Variants in CSMD1 observed in about 807,000 individuals in gnomAD.
CSMD1 encodes CUB and Sushi multiple domains 1.
In CSMD1, 213 loss-of-function variants were observed where a neutral mutation model predicts 417.5. The observed-to-expected ratio is 0.51, with a 90% CI of 0.46 to 0.57. The LOEUF (loss-of-function observed/expected upper bound fraction) is 0.57. CSMD1 is among the 20% of genes least tolerant of loss of function. CSMD1 has a pLI of 0.00. For synonymous variants in CSMD1, 2,862 were observed against 1,736.8 expected, an observed-to-expected ratio of 1.65 and a Z score of -16.11; for missense variants, 6,923 against 4,529.7, an observed-to-expected ratio of 1.53 and a Z score of -15.17.
At chr8:4,006,509 A>C (rs1377905375) in intron 4 of CSMD1, among the ~76,000 whole-genome samples, 2 of 152,218 alleles carry the variant, frequency 1.3e-5, no homozygotes, top group African/African-American at 2.4e-5. Context: ...ACCCCACTGC[A>C]CTTGGCCTGA....
At chr8:3,050,027 T>TAGTA (rs1420610718) in intron 50 of CSMD1, among the ~76,000 whole-genome samples, 2 of 151,754 alleles carry the variant, frequency 1.3e-5, no homozygotes, top group Non-Finnish European at 2.9e-5. Flanking sequence ...CTTTCTCAGA[T>TAGTA]AGTATACAAA....
chr8:3,618,037 T>C (rs1802230937), intron 7 of CSMD1, among the ~76,000 whole-genome samples: 1 of 152,202 alleles, frequency 6.6e-6, no homozygotes, highest in African/African-American at 2.4e-5. Flanking sequence ...GATCTCACTC[T>C]GTTGCCCAGG....
intron 7 of CSMD1, among the ~76,000 whole-genome samples, chr8:3,631,319 T>C (rs1796772689): frequency 6.6e-6 from 1 of 152,214 alleles, no homozygotes; most frequent in Non-Finnish European, 1.5e-5. Flanking sequence ...GTCTGGTTTA[T>C]TGTTCTCATT....
intron 1 of CSMD1, among the ~76,000 whole-genome samples, chr8:4,722,745 G>C (rs1025422305): frequency 4.6e-5 from 7 of 152,054 alleles, no homozygotes; most frequent in East Asian, 1.9e-4. Context: ...TTTGGTAGTC[G>C]TCAGGAAAAT....
intron 3 of CSMD1, among the ~76,000 whole-genome samples, chr8:4,260,537 G>T (rs1170731452): frequency 1.3e-5 from 2 of 152,142 alleles, no homozygotes; most frequent in Non-Finnish European, 2.9e-5. Flanking sequence ...CAAGCACATA[G>T]CCAGAATACC....
chr8:3,567,024 C>T (rs116033139), intron 10 of CSMD1, among the ~76,000 whole-genome samples: 3,712 of 152,296 alleles, frequency 0.024, 157 homozygotes, highest in African/African-American at 0.084. Context: ...TGGAGTCAAC[C>T]TAAATGCCCA....
At chr8:3,334,032 T>C (rs1274706205) in intron 23 of CSMD1, among the ~76,000 whole-genome samples, 2 of 152,232 alleles carry the variant, frequency 1.3e-5, no homozygotes, top group Admixed American at 1.3e-4. Flanking sequence ...CCCATCGTGA[T>C]GCCCTTTTAT....
intron 2 of CSMD1, among the ~76,000 whole-genome samples, chr8:4,445,542 T>C (rs997597204): frequency 1.3e-5 from 2 of 152,192 alleles, no homozygotes; most frequent in African/African-American, 4.8e-5. Context: ...TTGGGTAGCT[T>C]GTGTGATAAA....
chr8:4,190,346 C>T (rs1047002911), intron 3 of CSMD1, among the ~76,000 whole-genome samples: 13 of 150,378 alleles, frequency 8.6e-5, no homozygotes, highest in Admixed American at 6.6e-4. Flanking sequence ...GGCCAGTTAA[C>T]TTCTAACAGC....
At chr8:4,467,122 T>TAAAAAAAAAAAAAAAAAAAAAA (rs35481238) in intron 2 of CSMD1, among the ~76,000 whole-genome samples, 2 of 86,244 alleles carry the variant, frequency 2.3e-5, no homozygotes, top group African/African-American at 4.5e-5. Flanking sequence ...TTCTTCAGAG[T>TAAAAAAAAAAAAAAAAAAAAAA]AAAAAAAAAA....
chr8:3,217,008 G>T (rs983934901), intron 29 of CSMD1, among the ~76,000 whole-genome samples: 4 of 152,154 alleles, frequency 2.6e-5, no homozygotes, highest in Admixed American at 2.0e-4. Flanking sequence ...GGATGCAATG[G>T]CATCATTTCT....
intron 1 of CSMD1, among the ~76,000 whole-genome samples, chr8:4,717,656 G>T (rs1808771302): frequency 6.6e-6 from 1 of 151,932 alleles, no homozygotes; most frequent in South Asian, 2.1e-4. Context: ...ACTGGTGTGA[G>T]TGGGAAGGAA....
chr8:4,622,544 G>A (rs1246417190), intron 2 of CSMD1, among the ~76,000 whole-genome samples: 1 of 152,136 alleles, frequency 6.6e-6, no homozygotes, highest in Non-Finnish European at 1.5e-5. Flanking sequence ...ACCCTCTACT[G>A]AGAAAGCTTA....
intron 25 of CSMD1, among the ~76,000 whole-genome samples, chr8:3,302,868 T>A (rs1563247760): frequency 6.6e-6 from 1 of 152,132 alleles, no homozygotes; most frequent in African/African-American, 2.4e-5. Context: ...ACTGAAAATA[T>A]GAGTCAGAAC....
At chr8:4,184,354 T>C (rs1798545428) in intron 3 of CSMD1, among the ~76,000 whole-genome samples, 1 of 152,158 alleles carries the variant, frequency 6.6e-6, no homozygotes, top group Non-Finnish European at 1.5e-5. Context: ...TCATCAACAC[T>C]GGAACTGTGC....
At chr8:4,255,047 C>G (rs988941397) in intron 3 of CSMD1, among the ~76,000 whole-genome samples, 2 of 152,196 alleles carry the variant, frequency 1.3e-5, no homozygotes, top group African/African-American at 4.8e-5. Flanking sequence ...AGGAGTTGAT[C>G]AAGCAATTCT....
chr8:3,231,562 A>C (rs896837478), intron 26 of CSMD1, among the ~76,000 whole-genome samples: 1 of 152,210 alleles, frequency 6.6e-6, no homozygotes, highest in Admixed American at 6.5e-5. Context: ...AAATCCATTT[A>C]AATAAAAAGT....
intron 1 of CSMD1, among the ~76,000 whole-genome samples, chr8:4,773,331 A>G (rs189270162): frequency 1.2e-4 from 19 of 152,244 alleles, no homozygotes; most frequent in Admixed American, 1.0e-3. Flanking sequence ...CTGCCTTCTA[A>G]GCTCACTGAC....
intron 10 of CSMD1, among the ~76,000 whole-genome samples, chr8:3,501,664 G>A (rs955772916): frequency 6.6e-6 from 1 of 152,128 alleles, no homozygotes. Context: ...TGTATCAGAA[G>A]AAAGGCCTTT....
Sources: allele counts gnomAD v4.1 joint callset (sites outside exome capture counted in the v4.1 genomes callset), GRCh38; gene constraint gnomAD v4.1.1; transcripts MANE v1.5; gene names NCBI Gene and HGNC (gene_info 2026-07-23, HGNC 2026-07-21).